Variants in PTPN12 observed in about 807,000 individuals in gnomAD.
The protein encoded by PTPN12 is protein tyrosine phosphatase non-receptor type 12.
PTPN12 carries 29 observed loss-of-function variants against 97.6 expected under a neutral mutation model. That is an observed-to-expected ratio of 0.30 (90% confidence interval 0.22 to 0.41). The LOEUF (loss-of-function observed/expected upper bound fraction) is 0.41, where lower values mean the gene tolerates loss of function less well. PTPN12 is among the 10% of genes least tolerant of loss of function. The pLI is 1.00. For synonymous variants in PTPN12, 327 were observed against 300.4 expected (o/e 1.09, Z -0.91); for missense variants, 819 against 926.0 (o/e 0.88, Z 1.50).
At chr7:77,583,073 G>A (rs545674874) in intron 3 of PTPN12, among the ~76,000 whole-genome samples, 1 of 152,174 alleles carries the variant, frequency 6.6e-6, no homozygotes, top group South Asian at 2.1e-4. Flanking sequence ...ACATTGTTTG[G>A]TTTATATTCT....
rs980699915 is a variant in PTPN12, at chr7:77,609,374, C to T, written c.763-1391C>T. 2.8e-4 allele frequency among the ~76,000 whole-genome samples: 41 copies of T among 147,586 alleles called. 1 individual carries two copies. Among genetic ancestry groups the T allele is most frequent in the Non-Finnish European group, 5.0e-4 (34 of 67,352 alleles). On this transcript the variant is annotated intron_variant, in intron 9 of 17. Coordinates refer to ENST00000248594, the MANE Select transcript of PTPN12 (RefSeq NM_002835.4). ...GCAACCTCTGACTCTCAGGTTCAAG[C>T]GATTCTCCTGCCTTAGTCTCCCGAG...
intron 1 of PTPN12, among the ~76,000 whole-genome samples, chr7:77,567,677 C>T (rs1312255767): frequency 6.6e-6 from 1 of 152,192 alleles, no homozygotes; most frequent in African/African-American, 2.4e-5. Context: ...ATTTGACAAA[C>T]TGCTTTGCAA....
intron 12 of PTPN12, among the ~76,000 whole-genome samples, chr7:77,623,052 G>A (rs1443396589): frequency 2.0e-5 from 3 of 151,106 alleles, no homozygotes; most frequent in African/African-American, 4.8e-5. Flanking sequence ...GAATTAAAGG[G>A]CATAAATTTT....
At position 77,541,385 on chromosome 7, in the gene PTPN12, C is replaced by T. The variant is rs139101868; in HGVS notation, c.99+3740C>T. Among the ~76,000 whole-genome samples, 943 of 152,234 alleles carry T rather than the reference C, an allele frequency of 6.2e-3. 5 individuals are homozygous for T. The highest frequency in any genetic ancestry group is 0.037 in the Middle Eastern group (11 of 294). Reference sequence around the variant, plus strand: ...GGTTACAGGTGTGAGCCACCGTAGCCGGCCTACTACTTGGTAACTATCTTA... The same window carrying T: ...GGTTACAGGTGTGAGCCACCGTAGCTGGCCTACTACTTGGTAACTATCTTA... On this transcript the variant is annotated intron_variant, in intron 1 of 17. Coordinates refer to ENST00000248594, the MANE Select transcript of PTPN12 (RefSeq NM_002835.4).
chr7:77,548,433 T>C (rs1807324021), intron 1 of PTPN12, among the ~76,000 whole-genome samples: 1 of 152,180 alleles, frequency 6.6e-6, no homozygotes, highest in African/African-American at 2.4e-5. Flanking sequence ...TTCTTCCCCA[T>C]TGTGTATGTT....
At chr7:77,549,586 T>G (rs77849241) in intron 1 of PTPN12, among the ~76,000 whole-genome samples, 6,223 of 151,762 alleles carry the variant, frequency 0.041, 417 homozygotes, top group African/African-American at 0.14. Context: ...TTGTTTGTTT[T>G]TTTTTTTTTT....
chr7:77,586,645 T>C (rs1355485921), intron 5 of PTPN12, among the ~76,000 whole-genome samples: 1 of 152,196 alleles, frequency 6.6e-6, no homozygotes, highest in African/African-American at 2.4e-5. Flanking sequence ...TCATGAAAGA[T>C]TGCTCTGTAG....
At chr7:77,546,258 AC>A (rs1266127704) in intron 1 of PTPN12, among the ~76,000 whole-genome samples, 2 of 152,192 alleles carry the variant, frequency 1.3e-5, no homozygotes, top group Admixed American at 1.3e-4. Context: ...ATTAATTCTC[AC>A]CTTCTAGAAT....
At chr7:77,551,804 G>C (rs935450586) in intron 1 of PTPN12, among the ~76,000 whole-genome samples, 3 of 152,084 alleles carry the variant, frequency 2.0e-5, no homozygotes, top group Non-Finnish European at 4.4e-5. Context: ...ATACTTCTTA[G>C]TGCTTCAAAT....
intron 17 of PTPN12, 186 bp from the exon 18 acceptor site, chr7:77,639,033 C>A: frequency 1.6e-6 from 1 of 641,782 alleles, no homozygotes; most frequent in Non-Finnish European, 2.4e-6. Context: ...AAGAAGCAAT[C>A]ATTTTCAGTT....
At chr7:77,573,088 A>AAAAAAC (rs1787206492) in intron 2 of PTPN12, among the ~76,000 whole-genome samples, 3 of 112,494 alleles carry the variant, frequency 2.7e-5, no homozygotes, top group East Asian at 1.1e-3. Flanking sequence ...ATCTCAAAAA[A>AAAAAAC]AAAAAAAACA....
In PTPN12 at chr7:77,560,575, A is replaced by G. The variant is rs540196319; in HGVS notation, c.100-10503A>G. On this transcript the variant is annotated intron_variant, in intron 1 of 17. Coordinates refer to ENST00000248594, the MANE Select transcript of PTPN12 (RefSeq NM_002835.4). Reference sequence around the variant, plus strand: ...CATTCTCCTCCTTCCTCCAACCTGTAGCACCATTCTATTACACTTTCTGTC... The same window carrying G: ...CATTCTCCTCCTTCCTCCAACCTGTGGCACCATTCTATTACACTTTCTGTC... Among the ~76,000 whole-genome samples the G allele has an allele frequency of 1.8e-4, 27 of 152,288 alleles. No homozygotes were observed. In the South Asian group the frequency reaches 5.6e-3, roughly 32 times the overall value.
At chr7:77,561,162 C>T (rs760911782) in intron 1 of PTPN12, among the ~76,000 whole-genome samples, 1 of 152,088 alleles carries the variant, frequency 6.6e-6, no homozygotes, top group African/African-American at 2.4e-5. Context: ...GTGGCACAAG[C>T]GATCCTCCTG....
intron 1 of PTPN12, among the ~76,000 whole-genome samples, chr7:77,541,266 A>AT (rs1291990534): frequency 6.6e-6 from 1 of 151,878 alleles, no homozygotes; most frequent in Admixed American, 6.6e-5. Context: ...TGATTTTTGT[A>AT]TTTTTTGTAG....
chr7:77,585,834 A>G (rs1483160095), intron 5 of PTPN12, among the ~76,000 whole-genome samples: 1 of 152,254 alleles, frequency 6.6e-6, no homozygotes, highest in African/African-American at 2.4e-5. Context: ...GACCACCACA[A>G]TAGCGCAATT....
chr7:77,562,933 T>A (rs998191250), intron 1 of PTPN12, among the ~76,000 whole-genome samples: 1 of 148,250 alleles, frequency 6.7e-6, no homozygotes, highest in African/African-American at 2.5e-5. Flanking sequence ...AAGAAAAAAA[T>A]CATTTGCTTA....
chr7:77,580,266 C>T (rs1483752406), intron 2 of PTPN12, among the ~76,000 whole-genome samples: 17 of 152,146 alleles, frequency 1.1e-4, no homozygotes, highest in Admixed American at 1.1e-3. Flanking sequence ...GTTTTAGGTT[C>T]GAATGAGCTA....
rs1002566492 is a variant in PTPN12, at chr7:77,627,140, C to T, written c.1461C>T (p.Val487=). Residue 487 remains valine, a synonymous_variant, in exon 13 of 18, where the codon GTC becomes GTT. Transcript: ENST00000248594. The part of the protein sequence containing the change: ...KPQELSSDLN[V]GDTSQNSCVD... ...AGGAATTAAGTTCAGATCTAAATGT[C>T]GGTGATACTTCCCAGAATTCTTGTG... 14 of 1,614,078 alleles carry T rather than the reference C, an allele frequency of 8.7e-6. No individual in the cohort carries two copies. The highest frequency in any genetic ancestry group is 6.6e-5 in the South Asian group (6 of 91,070).
At chr7:77,629,213 G>A (rs540124068) in intron 13 of PTPN12, among the ~76,000 whole-genome samples, 6 of 152,038 alleles carry the variant, frequency 3.9e-5, no homozygotes, top group Admixed American at 2.6e-4. Flanking sequence ...CCTCCCAAAG[G>A]GCTGGGATTA....
Sources: gnomAD v4.1 joint callset for allele counts (sites outside exome capture counted in the v4.1 genomes callset) on GRCh38, gnomAD v4.1.1 for gene constraint, MANE v1.5 for transcripts, NCBI Gene and HGNC (gene_info 2026-07-23, HGNC 2026-07-21) for gene names.